The following NRAP variants were observed in gnomAD, a reference collection of about 807,000 sequenced individuals.
NRAP encodes nebulin-related-anchoring protein.
A neutral mutation model predicts 225.9 loss-of-function variants in NRAP; 189 were observed. The ratio of observed to expected loss-of-function variants is 0.84; its 90% CI spans 0.74 to 0.94. The LOEUF is 0.94. Ranked by LOEUF, NRAP falls within the 40% of genes least tolerant of loss-of-function variation. The pLI, the probability that NRAP is intolerant of heterozygous loss-of-function variation, is 0.00. For missense variants in NRAP, 2,176 were observed against 2,168.7 expected, an observed-to-expected ratio of 1.00 and a Z score of -0.07; for synonymous variants, 769 against 790.7, an observed-to-expected ratio of 0.97 and a Z score of 0.46.
chr10:113,610,281 C>T (rs1412357126), intron 31 of NRAP, among the ~76,000 whole-genome samples, 178 bp downstream of exon 31: 4 of 148,168 alleles, frequency 2.7e-5, no homozygotes, highest in South Asian at 2.1e-4. Context: ...ACCCAGGAGA[C>T]GGAGGTTGCA....
In NRAP at chr10:113,650,035, A is replaced by G. The variant is rs1239289698; in HGVS notation, c.888+2T>C. On this transcript the variant is annotated splice_donor_variant, in intron 9 of 41. Coordinates refer to ENST00000359988, the MANE Select transcript of NRAP (RefSeq NM_198060.4). LOFTEE classifies it high-confidence loss of function. Reference sequence around the variant, plus strand: ...AGGTCAGGAGATCATTTTATCACATACCTGGCCATATTGGTCTGCACATTC... The same window carrying G: ...AGGTCAGGAGATCATTTTATCACATGCCTGGCCATATTGGTCTGCACATTC... 6.5e-7 allele frequency: 1 copy of G among 1,535,968 alleles called. No homozygotes were observed. Among genetic ancestry groups the G allele is most frequent in the Non-Finnish European group, 9.0e-7 (1 of 1,108,958 alleles).
intron 32 of NRAP, among the ~76,000 whole-genome samples, chr10:113,608,068 G>A (rs1452031617): frequency 6.6e-6 from 1 of 152,204 alleles, no homozygotes; most frequent in Non-Finnish European, 1.5e-5. Context: ...TTACAGACCA[G>A]TACTTCTCAG....
chr10:113,655,019 G>C (rs1003844686), intron 4 of NRAP, among the ~76,000 whole-genome samples: 3 of 152,194 alleles, frequency 2.0e-5, no homozygotes, highest in East Asian at 1.9e-4. Flanking sequence ...TGGGCTGGAG[G>C]GGGGCAAGTT....
At position 113,629,675 on chromosome 10, in the gene NRAP, G is replaced by T; in HGVS notation, c.1953C>A (p.Asp651Glu). ...TGTATTCATGCAGTTTCTTCCTGTA[G>T]TCCAGGTCACTGGCGAGAGTTTGGG... ...KKAQTLASDL[D>E]YRKKLHEYTV... Residue 651 changes from aspartate (D) to glutamate (E), a missense_variant, in exon 19 of 42, where the codon GAC (aspartate) becomes GAA (glutamate). Transcript: ENST00000359988. The T allele has an allele frequency of 1.9e-6, 3 of 1,613,946 alleles. No individual in the cohort carries two copies. Among genetic ancestry groups the T allele is most frequent in the Non-Finnish European group, 2.5e-6 (3 of 1,179,796 alleles).
At chr10:113,648,467 C>CTCTATATATATATATA (rs749486311) in intron 9 of NRAP, among the ~76,000 whole-genome samples, 47 of 87,364 alleles carry the variant, frequency 5.4e-4, no homozygotes, top group African/African-American at 9.8e-4. Flanking sequence ...CTCTCTCTCT[C>CTCTATATATATATATA]TATATATATA....
chr10:113,600,438 C>T (rs1486003790), intron 35 of NRAP, among the ~76,000 whole-genome samples: 2 of 152,106 alleles, frequency 1.3e-5, no homozygotes, highest in Non-Finnish European at 2.9e-5. Flanking sequence ...TCTCAGCTTC[C>T]CAAAATGTGG....
chr10:113,643,179 G>A (rs975537973), intron 11 of NRAP, 141 bp from the exon 12 acceptor site: 7 of 470,968 alleles, frequency 1.5e-5, no homozygotes, highest in Non-Finnish European at 2.7e-5. Flanking sequence ...TGCTAAGTTA[G>A]CAGGACATAT....
At position 113,595,707 on chromosome 10, in the gene NRAP, A is replaced by C. The variant is rs1376129624; in HGVS notation, c.4452T>G (p.Asp1484Glu). The C allele has an allele frequency of 6.2e-6, 10 of 1,612,544 alleles. No individual in the cohort carries two copies. Among genetic ancestry groups the C allele is most frequent in the Non-Finnish European group, 8.5e-6 (10 of 1,178,634 alleles). The stretch of plus-strand genomic sequence containing the variant: ...GGGTGTATCTGTGCAGGGATTCTGC[A>C]TCTCCAGATCTATACATGCGCTGTA... ...HCNERMYRSG[D>E]AESLHRYTLI... Residue 1484 changes from aspartate (D) to glutamate (E), a missense_variant, in exon 38 of 42, where the codon GAT becomes GAG. This residue lies in a region of NRAP where 445 missense variants were observed against 426.1 expected (regional missense o/e 1.04). Coordinates refer to ENST00000359988, the MANE Select transcript of NRAP (RefSeq NM_198060.4).
At chr10:113,602,752 C>T (rs1459841743) in intron 35 of NRAP, among the ~76,000 whole-genome samples, 6 of 152,222 alleles carry the variant, frequency 3.9e-5, no homozygotes, top group Non-Finnish European at 7.3e-5. Flanking sequence ...GCGCAAGGAA[C>T]GTACTCAAAC....
chr10:113,622,033 A>G lies in NRAP; in HGVS notation c.2605T>C (p.Ser869Pro), dbSNP rs1308582113. 2 of 1,614,046 alleles carry G rather than the reference A, an allele frequency of 1.2e-6. No individual in the cohort carries two copies. Among genetic ancestry groups the G allele is most frequent in the African/African-American group, 2.7e-5 (2 of 74,918 alleles). The change falls in exon 24 of 42, where the codon TCC becomes CCC. Residue 869 changes from serine (S) to proline (P), a missense_variant. Physicochemically the swap from Ser to Pro is moderately conservative, Grantham distance 74. Coordinates refer to ENST00000359988, the MANE Select transcript of NRAP (RefSeq NM_198060.4). ...EYKKGFEDTK[S>P]QCHVSLDMVH... The stretch of plus-strand genomic sequence containing the variant: ...ATGTCCAGGGAGACGTGGCATTGGG[A>G]TTTGGTGTCCTCGAATCCCTTCTTG...
rs565285349 is a variant in NRAP at position 113,633,865 on chromosome 10, T to C, written c.1527+247A>G. ...GCATATAGATGAAGCAGGGTGGCCATGAGTTGATGGCTGTTGAAGATGGGT... is the reference window on the plus strand; with the variant it reads ...GCATATAGATGAAGCAGGGTGGCCACGAGTTGATGGCTGTTGAAGATGGGT... On this transcript the variant is annotated intron_variant, in intron 15 of 41. Coordinates refer to ENST00000359988, the MANE Select transcript of NRAP (RefSeq NM_198060.4). Among the ~76,000 whole-genome samples the C allele has an allele frequency of 2.6e-5, 4 of 152,294 alleles. No homozygotes were observed. In the South Asian group the frequency reaches 8.3e-4, roughly 32 times the overall value.
At chr10:113,621,375 C>T (rs1161115788) in intron 24 of NRAP, among the ~76,000 whole-genome samples, 1 of 151,892 alleles carries the variant, frequency 6.6e-6, no homozygotes, top group Non-Finnish European at 1.5e-5. Flanking sequence ...TGCAGCTGAC[C>T]TGCCTTTTCA....
intron 1 of NRAP, 116 bp from the exon 2 acceptor site, chr10:113,663,562 A>ATTTTT: frequency 4.2e-6 from 3 of 720,166 alleles, no homozygotes; most frequent in Non-Finnish European, 6.9e-6. Context: ...TTTTAAAAAA[A>ATTTTT]TTAAAATCCA....
chr10:113,626,394 C>A (rs185977224), intron 20 of NRAP, among the ~76,000 whole-genome samples: 42 of 152,270 alleles, frequency 2.8e-4, no homozygotes, highest in African/African-American at 8.9e-4. Flanking sequence ...TGTATTTCAC[C>A]GTGTGCCCTG....
intron 20 of NRAP, among the ~76,000 whole-genome samples, chr10:113,628,282 G>A (rs953723526): frequency 2.0e-5 from 3 of 152,140 alleles, no homozygotes; most frequent in Non-Finnish European, 4.4e-5. Context: ...CTGCCTCCCA[G>A]GTTCAAGCAA....
intron 26 of NRAP, among the ~76,000 whole-genome samples, 199 bp from the exon 27 acceptor site, chr10:113,616,015 G>A (rs1375201604): frequency 6.6e-6 from 1 of 152,108 alleles, no homozygotes; most frequent in African/African-American, 2.4e-5. Context: ...TCCTAGCTCA[G>A]AACATGACAA....
At chr10:113,652,800 G>A in intron 6 of NRAP, 135 bp downstream of exon 6, 1 of 652,818 alleles carries the variant, frequency 1.5e-6, no homozygotes, top group South Asian at 1.7e-5. Context: ...TAAGAACACA[G>A]TTTTCTCTGT....
intron 4 of NRAP, among the ~76,000 whole-genome samples, chr10:113,654,560 A>G (rs1475823989): frequency 6.6e-6 from 1 of 151,714 alleles, no homozygotes; most frequent in Non-Finnish European, 1.5e-5. Flanking sequence ...GATACTCATG[A>G]CCTACCACCT....
intron 2 of NRAP, 50 bp from the exon 3 acceptor site, chr10:113,662,816 G>A: frequency 1.2e-6 from 1 of 840,164 alleles, no homozygotes; most frequent in Non-Finnish European, 2.0e-6. Flanking sequence ...TTATCCAAAT[G>A]ATTGAGGGAC....
Sources: gnomAD v4.1 joint callset for allele counts (sites outside exome capture counted in the v4.1 genomes callset) on GRCh38, gnomAD v4.1.1 for gene constraint, gnomAD v4.1.1 regional missense constraint, MANE v1.5 for transcripts, NCBI Gene and HGNC (gene_info 2026-07-23, HGNC 2026-07-21) for gene names.